The following PTPRN2 variants were observed in gnomAD, a reference collection of about 807,000 sequenced individuals.
PTPRN2 encodes the protein protein tyrosine phosphatase receptor type N2, also known as receptor-type tyrosine-protein phosphatase N2.
In PTPRN2, 74 loss-of-function variants were observed where a neutral mutation model predicts 118.8. The ratio of observed to expected loss-of-function variants is 0.62; its 90% CI spans 0.52 to 0.76. The LOEUF is 0.76. Ranked by LOEUF, PTPRN2 falls within the 30% of genes least tolerant of loss-of-function variation. PTPRN2 has a pLI of 0.00. For synonymous variants in PTPRN2, 641 were observed against 608.0 expected, an observed-to-expected ratio of 1.05 and a Z score of -0.80; for missense variants, 1,481 against 1,394.4, an observed-to-expected ratio of 1.06 and a Z score of -0.99.
chr7:158,449,588 C>T (rs1284431223), intron 2 of PTPRN2, among the ~76,000 whole-genome samples: 1 of 152,158 alleles, frequency 6.6e-6, no homozygotes, highest in Non-Finnish European at 1.5e-5. Context: ...AGACCAAACA[C>T]CAACAGGCAG....
chr7:158,008,858 A>G (rs569335788), intron 11 of PTPRN2, among the ~76,000 whole-genome samples: 1 of 152,360 alleles, frequency 6.6e-6, no homozygotes, highest in African/African-American at 2.4e-5. Context: ...AGTTTTACTA[A>G]GTACATATGC....
At chr7:158,429,965 T>G (rs2129428359) in intron 2 of PTPRN2, among the ~76,000 whole-genome samples, 1 of 152,286 alleles carries the variant, frequency 6.6e-6, no homozygotes, top group South Asian at 2.1e-4. Flanking sequence ...TGGAGTGCAA[T>G]GGTACAATCT....
intron 1 of PTPRN2, among the ~76,000 whole-genome samples, chr7:158,577,904 G>A (rs1046806832): frequency 2.0e-5 from 3 of 152,122 alleles, no homozygotes; most frequent in Admixed American, 6.5e-5. Flanking sequence ...TGCACTGCCC[G>A]GCCACCTCCC....
intron 3 of PTPRN2, among the ~76,000 whole-genome samples, chr7:158,249,064 ACACACATACAC>A (rs1796472306): frequency 6.6e-6 from 1 of 150,936 alleles, no homozygotes; most frequent in African/African-American, 2.4e-5. Flanking sequence ...CACCCACATC[ACACACATACAC>A]CACACACACC....
At chr7:157,594,713 C>A (rs1801191316) in intron 17 of PTPRN2, among the ~76,000 whole-genome samples, 1 of 152,220 alleles carries the variant, frequency 6.6e-6, no homozygotes, top group Non-Finnish European at 1.5e-5. Flanking sequence ...AGAAGGAAGA[C>A]CCCACCTGCC....
chr7:158,114,756 C>T (rs1816589059), intron 9 of PTPRN2, among the ~76,000 whole-genome samples: 1 of 152,172 alleles, frequency 6.6e-6, no homozygotes, highest in Non-Finnish European at 1.5e-5. Flanking sequence ...GGTAAGGGAG[C>T]CCCAGAAGGG....
chr7:158,174,590 G>A (rs1824019555), intron 5 of PTPRN2, among the ~76,000 whole-genome samples: 1 of 152,188 alleles, frequency 6.6e-6, no homozygotes, highest in Non-Finnish European at 1.5e-5. Context: ...TACTGCTGCT[G>A]TGTGCCAAGC....
chr7:157,700,527 G>A (rs1041668596), intron 12 of PTPRN2, among the ~76,000 whole-genome samples: 1 of 151,968 alleles, frequency 6.6e-6, no homozygotes, highest in South Asian at 2.1e-4. Flanking sequence ...TACTTTTTTC[G>A]GGTCATCCCT....
intron 12 of PTPRN2, among the ~76,000 whole-genome samples, chr7:157,889,806 C>A (rs2151303644): frequency 6.6e-6 from 1 of 152,350 alleles, no homozygotes; most frequent in South Asian, 2.1e-4. Flanking sequence ...GTTGGCTGTC[C>A]TGCAGGATGC....
At chr7:157,864,340 G>A (rs561488474) in intron 12 of PTPRN2, 1 of 152,224 alleles carries the variant, frequency 6.6e-6, no homozygotes, top group African/African-American at 2.4e-5. Flanking sequence ...CCTGGGGACG[G>A]GCTGTATCAG....
chr7:157,589,594 C>A (rs1800871271), intron 17 of PTPRN2, among the ~76,000 whole-genome samples: 1 of 152,162 alleles, frequency 6.6e-6, no homozygotes, highest in African/African-American at 2.4e-5. Context: ...TGACAGCAAC[C>A]AGAGCTCAAC....
At chr7:158,583,888 C>A (rs1385381931) in intron 1 of PTPRN2, among the ~76,000 whole-genome samples, 1 of 152,208 alleles carries the variant, frequency 6.6e-6, no homozygotes, top group African/African-American at 2.4e-5. Flanking sequence ...ATCAGAGGCT[C>A]TGGACCCCAA....
At chr7:158,104,195 A>G (rs535012942) in intron 10 of PTPRN2, among the ~76,000 whole-genome samples, 33 of 152,312 alleles carry the variant, frequency 2.2e-4, no homozygotes, top group African/African-American at 7.5e-4. Flanking sequence ...GCATCAGGGC[A>G]TCCTGCCTGA....
At chr7:158,353,638 G>A (rs1808172714) in intron 2 of PTPRN2, among the ~76,000 whole-genome samples, 1 of 152,208 alleles carries the variant, frequency 6.6e-6, no homozygotes, top group Non-Finnish European at 1.5e-5. Context: ...ACCCAGAGGT[G>A]AGGATGAGTC....
intron 11 of PTPRN2, among the ~76,000 whole-genome samples, chr7:158,071,553 G>GTGGTGGAGGTGCTCC (rs765603003): frequency 2.4e-5 from 2 of 84,318 alleles, no homozygotes; most frequent in African/African-American, 4.5e-5. Flanking sequence ...GGTGCTCCTG[G>GTGGTGGAGGTGCTCC]TGGTGGAGGT....
intron 12 of PTPRN2, among the ~76,000 whole-genome samples, chr7:157,832,906 A>G (rs1807661570): frequency 6.6e-6 from 1 of 152,266 alleles, no homozygotes; most frequent in Non-Finnish European, 1.5e-5. Context: ...AAAATAGCCA[A>G]CTGGTCAAAG....
intron 10 of PTPRN2, among the ~76,000 whole-genome samples, chr7:158,102,989 C>A (rs565903516): frequency 6.6e-6 from 1 of 152,282 alleles, no homozygotes; most frequent in South Asian, 2.1e-4. Flanking sequence ...GGAGCTGGGG[C>A]ATCAGTCCAT....
At chr7:158,215,451 G>A (rs2150776714) in intron 3 of PTPRN2, among the ~76,000 whole-genome samples, 1 of 152,178 alleles carries the variant, frequency 6.6e-6, no homozygotes, top group Admixed American at 6.5e-5. Context: ...GGTCTGAAAA[G>A]GTACTCAGAA....
chr7:158,473,096 T>C (rs1161221007), intron 2 of PTPRN2, among the ~76,000 whole-genome samples: 1 of 152,186 alleles, frequency 6.6e-6, no homozygotes, highest in Non-Finnish European at 1.5e-5. Flanking sequence ...ATAAAAGGTT[T>C]TGTGCTTTTC....
Sources: gnomAD v4.1 joint callset for allele counts (sites outside exome capture counted in the v4.1 genomes callset) on GRCh38, gnomAD v4.1.1 for gene constraint, MANE v1.5 for transcripts, NCBI Gene and HGNC (gene_info 2026-07-23, HGNC 2026-07-21) for gene names.